The following KDM5A variants were observed in gnomAD, a reference collection of about 807,000 sequenced individuals.
KDM5A encodes lysine demethylase 5A.
Under a neutral mutation model 193.5 loss-of-function variants are expected in KDM5A, and 42 were observed. That is an observed-to-expected ratio of 0.22 (90% CI 0.17 to 0.28). The LOEUF is 0.28. Ranked by LOEUF, KDM5A falls within the 10% of genes least tolerant of loss-of-function variation. The pLI is 1.00. For missense variants in KDM5A, 1,692 were observed against 2,055.1 expected, an observed-to-expected ratio of 0.82 and a Z score of 3.42; for synonymous variants, 796 against 718.1, an observed-to-expected ratio of 1.11 and a Z score of -1.73.
Position 280,545 on chromosome 12 carries a change from G to A in KDM5A, c.*4911C>T, listed in dbSNP as rs979661302. On this transcript the variant is annotated 3_prime_UTR_variant, in exon 28 of 28. Transcript: ENST00000399788. ...ACTGAGGCCAAGTCCACTGCAAGCA[G>A]AGTCTTAACATTTTCAGAAATGATC... is the stretch of plus-strand genomic sequence containing the variant. 4 of 233,002 alleles carry A rather than the reference G, an allele frequency of 1.7e-5. No homozygotes were observed. Among genetic ancestry groups the A allele is most frequent in the Non-Finnish European group, 3.4e-5 (4 of 117,976 alleles). 14.4% of individuals were successfully genotyped at this position (233,002 alleles called of 1,614,324 possible).
chr12:380,558 A>G (rs1467053143), intron 3 of KDM5A, among the ~76,000 whole-genome samples: 2 of 152,058 alleles, frequency 1.3e-5, no homozygotes, highest in African/African-American at 2.4e-5. Context: ...CTTTACTAAA[A>G]ATATAAAAAT....
intron 18 of KDM5A, 115 bp downstream of exon 18, chr12:320,880 G>A: frequency 1.2e-6 from 1 of 801,448 alleles, no homozygotes; most frequent in South Asian, 1.4e-5. Flanking sequence ...GCATATATGT[G>A]AGAGAAAAAA....
chr12:379,554 T>C (rs752680766), intron 3 of KDM5A, among the ~76,000 whole-genome samples: 2 of 152,186 alleles, frequency 1.3e-5, no homozygotes, highest in Admixed American at 1.3e-4. Context: ...AGAAAAAAGT[T>C]AACGTGAGAA....
chr12:373,712 C>T (rs996006484), intron 3 of KDM5A, among the ~76,000 whole-genome samples: 5 of 152,154 alleles, frequency 3.3e-5, no homozygotes, highest in Non-Finnish European at 5.9e-5. Flanking sequence ...CTCTTGTGGG[C>T]ATTTAGTGCT....
In KDM5A at chr12:312,988, T is replaced by C. The variant is rs529300189; in HGVS notation, c.3036+68A>G. ...TGATTATTCTATTCTAAAGAATTAA[T>C]AGTTTAAAAGATTAATCCATGAAAC... On this transcript the variant is annotated intron_variant, in intron 20 of 27. Transcript: ENST00000399788. The C allele has an allele frequency of 1.2e-5, 17 of 1,442,056 alleles. No homozygotes were observed. In the South Asian group the frequency reaches 1.9e-4, roughly 16 times the overall value. 89.3% of individuals were successfully genotyped at this position (1,442,056 alleles called of 1,614,324 possible).
chr12:341,274 T>C (rs968430524), intron 10 of KDM5A, among the ~76,000 whole-genome samples: 5 of 152,190 alleles, frequency 3.3e-5, no homozygotes, highest in South Asian at 2.1e-4. Flanking sequence ...TAGATACTTA[T>C]ACAAACAGGT....
At chr12:355,886 T>C (rs1293802720) in intron 6 of KDM5A, among the ~76,000 whole-genome samples, 1 of 152,210 alleles carries the variant, frequency 6.6e-6, no homozygotes, top group Non-Finnish European at 1.5e-5. Context: ...AATTGACATG[T>C]TACATAGAGA....
chr12:377,488 A>C (rs1944521522), intron 3 of KDM5A, among the ~76,000 whole-genome samples: 1 of 152,016 alleles, frequency 6.6e-6, no homozygotes, highest in Non-Finnish European at 1.5e-5. Context: ...TAAATCTTCA[A>C]GAAAAAAAAA....
chr12:297,451 T>C (rs1403695995), intron 24 of KDM5A, among the ~76,000 whole-genome samples: 2 of 152,220 alleles, frequency 1.3e-5, no homozygotes, highest in Non-Finnish European at 2.9e-5. Context: ...GATGAATGTG[T>C]AAGTTAAACA....
chr12:343,226 G>A (rs552793419), intron 10 of KDM5A, among the ~76,000 whole-genome samples: 1 of 152,346 alleles, frequency 6.6e-6, no homozygotes, highest in East Asian at 1.9e-4. Flanking sequence ...TGGGGGAGGG[G>A]CGTCCACCAT....
chr12:354,127 T>C lies in KDM5A; in HGVS notation c.978A>G (p.Pro326=), dbSNP rs1565543885. Residue 326 remains proline (P), a synonymous_variant, in exon 8 of 28, where the codon CCA becomes CCG. Transcript: ENST00000399788. Reference sequence around the variant, plus strand: ...AGTCTCCTTTGGGCACATCAGGTAGTGGAGGAATTAGACAAAATGTATGAT... The same window carrying C: ...AGTCTCCTTTGGGCACATCAGGTAGCGGAGGAATTAGACAAAATGTATGAT... ...DSYHTFCLIP[P]LPDVPKGDWR... 6.2e-7 allele frequency: 1 copy of C among 1,613,790 alleles called. No homozygotes were observed. The highest frequency in any genetic ancestry group is 8.5e-7 in the Non-Finnish European group (1 of 1,179,756).
intron 10 of KDM5A, among the ~76,000 whole-genome samples, chr12:346,068 A>G: frequency 6.6e-6 from 1 of 152,200 alleles, no homozygotes; most frequent in Non-Finnish European, 1.5e-5. Flanking sequence ...GATGCAATAA[A>G]AAATGATAAA....
chr12:303,505 C>A (rs149249279), intron 24 of KDM5A, among the ~76,000 whole-genome samples: 1 of 152,142 alleles, frequency 6.6e-6, no homozygotes, highest in East Asian at 1.9e-4. Flanking sequence ...CACAGCAGGG[C>A]CTGTCCAGGG....
rs1251895299 is a variant in KDM5A, at chr12:388,954, G to A, written c.138C>T (p.Thr46=). The change falls in exon 1 of 28, where the codon ACC becomes ACT. Residue 46 remains threonine, a synonymous_variant. Transcript: ENST00000399788. The stretch of plus-strand genomic sequence containing the variant: ...TGGGCGGCCGAATTTTGCAGATGCC[G>A]GTTTTCTCCGCCAAAGGCCGGATGC... ...IGRIRPLAEK[T]GICKIRPPKD... 1 of 1,614,214 alleles carries A rather than the reference G, an allele frequency of 6.2e-7. No homozygotes were observed. Among genetic ancestry groups the A allele is most frequent in the Non-Finnish European group, 8.5e-7 (1 of 1,180,036 alleles).
At position 281,224 on chromosome 12, in the gene KDM5A, C is replaced by T. The variant is rs866860484; in HGVS notation, c.*4232G>A. On this transcript the variant is annotated 3_prime_UTR_variant, in exon 28 of 28. Transcript: ENST00000399788. ...AAATCGAGTTATACTTTTCATAAGGCACCACCAATTACCCTGATAAATTGT... is the reference window on the plus strand; with the variant it reads ...AAATCGAGTTATACTTTTCATAAGGTACCACCAATTACCCTGATAAATTGT... 5 of 233,108 alleles carry T rather than the reference C, an allele frequency of 2.1e-5. No individual in the cohort carries two copies. Among genetic ancestry groups the T allele is most frequent in the East Asian group, 1.8e-4 (3 of 16,560 alleles). The allele number at this position is 233,108 out of a possible 1,614,324, so 14.4% of individuals were successfully genotyped here. A position where few individuals can be genotyped will look rare whatever the true frequency, so the allele number is the denominator to read the frequency against.
Position 352,103 on chromosome 12 carries a change from C to CAA in KDM5A, c.1149+100_1149+101dup, listed in dbSNP as rs58266653. 5.4e-3 allele frequency: 2,053 copies of CAA among 377,548 alleles called. 11 individuals carry two copies. The highest frequency in any genetic ancestry group is 0.017 in the African/African-American group (391 of 22,880). 23.4% of individuals were successfully genotyped at this position (377,548 alleles called of 1,614,324 possible). On this transcript the variant is annotated intron_variant, in intron 9 of 27. Coordinates refer to ENST00000399788, the MANE Select transcript of KDM5A (RefSeq NM_001042603.3). ...TGGGCGACAAAGCAAGACTCCGTCT[C>CAA]AAAAAAAAAAAAAAAAAAAAAAAAA... is the stretch of plus-strand genomic sequence containing the variant.
chr12:293,173 CA>C lies in KDM5A; in HGVS notation c.4456-5del. 6.2e-7 allele frequency: 1 copy of C among 1,610,032 alleles called. No homozygotes were observed. ...GTTTCTCTTCCATGCTGTCATCCTT[CA>C]AAAATATAAATTTAGGAACAATTTT... On this transcript the variant is annotated splice_polypyrimidine_tract_variant and splice_region_variant and intron_variant, in intron 26 of 27. Transcript: ENST00000399788.
At chr12:348,547 G>A (rs985058093) in intron 10 of KDM5A, among the ~76,000 whole-genome samples, 3 of 152,250 alleles carry the variant, frequency 2.0e-5, no homozygotes, top group South Asian at 2.1e-4. Flanking sequence ...TTAAGAAAAC[G>A]TGGCACATAT....
Position 288,917 on chromosome 12 carries a change from G to A in KDM5A, c.4867-3255C>T, listed in dbSNP as rs114075792. The stretch of plus-strand genomic sequence containing the variant: ...GTCACTCTAGCTCAACATCATGCGC[G>A]TGCACGCGTGTGTGTGTGTATTACA... On this transcript the variant is annotated intron_variant, in intron 27 of 27. Transcript: ENST00000399788. Among the ~76,000 whole-genome samples the A allele has an allele frequency of 3.0e-3, 453 of 152,324 alleles. 1 individual carries two copies. The highest frequency in any genetic ancestry group is 0.01 in the African/African-American group (431 of 41,568).
Sources: allele counts gnomAD v4.1 joint callset (sites outside exome capture counted in the v4.1 genomes callset), GRCh38; gene constraint gnomAD v4.1.1; transcripts MANE v1.5; gene names NCBI Gene and HGNC (gene_info 2026-07-23, HGNC 2026-07-21).